Variants in PCDH10 observed in about 807,000 individuals in gnomAD.
PCDH10 encodes protocadherin-10.
A neutral mutation model predicts 74.4 loss-of-function variants in PCDH10; 15 were observed. The ratio of observed to expected loss-of-function variants is 0.20; its 90% CI spans 0.13 to 0.31. The LOEUF is 0.31. Ranked by LOEUF, PCDH10 falls within the 10% of genes least tolerant of loss-of-function variation. The pLI, the probability that PCDH10 is intolerant of heterozygous loss-of-function variation, is 1.00. For synonymous variants in PCDH10, 619 were observed against 589.8 expected, an observed-to-expected ratio of 1.05 and a Z score of -0.72; for missense variants, 1,260 against 1,390.2, an observed-to-expected ratio of 0.91 and a Z score of 1.49.
Position 133,150,995 on chromosome 4 carries a change from C to T in PCDH10, c.855C>T (p.Val285=), listed in dbSNP as rs746462897. The T allele has an allele frequency of 3.7e-6, 6 of 1,613,814 alleles. No individual in the cohort carries two copies. Among genetic ancestry groups the T allele is most frequent in the Non-Finnish European group, 3.4e-6 (4 of 1,180,004 alleles). Residue 285 remains valine, a synonymous_variant, in exon 1 of 5, where the codon GTC becomes GTT. Coordinates refer to ENST00000264360, the MANE Select transcript of PCDH10 (RefSeq NM_032961.3). ...CGGACGAGGGCCAGAACGGTGAGGT[C>T]GTGTACTCCTTCAGCAGCCACATTT... is the stretch of plus-strand genomic sequence containing the variant. ...TDPDEGQNGE[V]VYSFSSHISP... is the part of the protein sequence containing the mutation.
Position 133,151,100 on chromosome 4 carries a change from G to A in PCDH10, c.960G>A (p.Glu320=), listed in dbSNP as rs367981995. The part of the protein sequence containing the change: ...LEVSGELDYE[E]SPVYQVYVQA... ...TAAGCGGCGAGTTGGACTATGAAGA[G>A]AGCCCAGTGTACCAAGTGTACGTGC... The change falls in exon 1 of 5, where the codon GAG becomes GAA. Residue 320 remains glutamate (E), a synonymous_variant. Coordinates refer to ENST00000264360, the MANE Select transcript of PCDH10 (RefSeq NM_032961.3). 1.2e-6 allele frequency: 2 copies of A among 1,613,994 alleles called. No homozygotes were observed. The highest frequency in any genetic ancestry group is 1.7e-6 in the Non-Finnish European group (2 of 1,180,030).
At chr4:133,166,155 C>A (rs1727076326) in intron 4 of PCDH10, among the ~76,000 whole-genome samples, 2 of 151,408 alleles carry the variant, frequency 1.3e-5, no homozygotes, top group South Asian at 2.1e-4. Flanking sequence ...TGATATGGAG[C>A]AAAGGGATAC....
At chr4:133,195,126 A>C (rs1727769250), downstream of PCDH10, among the ~76,000 whole-genome samples, 1 of 152,122 alleles carries the variant, frequency 6.6e-6, no homozygotes, top group Admixed American at 6.6e-5. Flanking sequence ...ATATGAATTA[A>C]GGGATAGATA....
intron 3 of PCDH10, 25 bp from the exon 4 acceptor site, chr4:133,162,952 C>T (rs369738050): frequency 2.5e-5 from 39 of 1,577,284 alleles, no homozygotes; most frequent in African/African-American, 1.4e-4. Flanking sequence ...AGACTACATC[C>T]GTAGTTTCTG....
downstream of PCDH10, among the ~76,000 whole-genome samples, chr4:133,196,020 A>G (rs1321785276): frequency 1.3e-5 from 2 of 152,160 alleles, no homozygotes; most frequent in African/African-American, 4.8e-5. Context: ...CCTTTGTAAA[A>G]TATGGATAAG....
intron 2 of PCDH10, 49 bp downstream of exon 2, chr4:133,154,414 TA>T: frequency 9.4e-7 from 1 of 1,059,572 alleles, no homozygotes; most frequent in Non-Finnish European, 1.4e-6. Context: ...TACAACCTAG[TA>T]AAAGTAGGAA....
chr4:133,199,287 CAAAATAATA>C (rs1180613493), downstream of PCDH10, among the ~76,000 whole-genome samples: 1 of 56,818 alleles, frequency 1.8e-5, no homozygotes, highest in Non-Finnish European at 3.2e-5. Flanking sequence ...AACCCTGTCT[CAAAATAATA>C]ATAATAATAA....
chr4:133,151,931 T>C lies in PCDH10; in HGVS notation c.1791T>C (p.Gly597=), dbSNP rs763851236. Residue 597 remains glycine, a synonymous_variant, in exon 1 of 5, where the codon GGT becomes GGC. Transcript: ENST00000264360. ...REVLPRSAEP[G]YLLTRVAAVD... ...TGCTGCCCCGCTCGGCGGAGCCGGGTTACCTGCTCACCCGCGTGGCCGCCG... is the reference window on the plus strand; with the variant it reads ...TGCTGCCCCGCTCGGCGGAGCCGGGCTACCTGCTCACCCGCGTGGCCGCCG... 1.9e-6 allele frequency: 3 copies of C among 1,612,188 alleles called. No individual in the cohort carries two copies. The highest frequency in any genetic ancestry group is 2.7e-5 in the African/African-American group (2 of 74,926).
In PCDH10 at chr4:133,180,522, C is replaced by A. The variant is rs76970139; in HGVS notation, c.3104-9619C>A. ...ATATCATGTTGAAGGATTTTGCTTTCTTTACGAGAACATTATTATGAGATA... is the reference window on the plus strand; with the variant it reads ...ATATCATGTTGAAGGATTTTGCTTTATTTACGAGAACATTATTATGAGATA... On this transcript the variant is annotated intron_variant, in intron 4 of 4. Coordinates refer to ENST00000264360, the MANE Select transcript of PCDH10 (RefSeq NM_032961.3). Among the ~76,000 whole-genome samples the A allele has an allele frequency of 9.1e-4, 139 of 151,948 alleles. 1 individual carries two copies. The East Asian group carries it at 0.025, about 27-fold the overall frequency.
chr4:133,172,147 A>G (rs1225407169), intron 4 of PCDH10, among the ~76,000 whole-genome samples: 2 of 152,038 alleles, frequency 1.3e-5, no homozygotes, highest in African/African-American at 4.8e-5. Context: ...TTTCATCCAA[A>G]CACTGATACA....
intron 3 of PCDH10, among the ~76,000 whole-genome samples, chr4:133,156,411 G>A (rs112575084): frequency 6.6e-6 from 1 of 152,218 alleles, no homozygotes; most frequent in African/African-American, 2.4e-5. Flanking sequence ...TGCCCCTTGC[G>A]GGCCTTCACG....
chr4:133,173,513 A>C (rs1727237810), intron 4 of PCDH10, among the ~76,000 whole-genome samples: 1 of 151,990 alleles, frequency 6.6e-6, no homozygotes, highest in Non-Finnish European at 1.5e-5. Flanking sequence ...TGATTTGGTG[A>C]AATATCACGT....
chr4:133,200,189 C>A (rs1466250199), intron 2 of PCDH10, among the ~76,000 whole-genome samples: 1 of 151,826 alleles, frequency 6.6e-6, no homozygotes, highest in Admixed American at 6.6e-5. Flanking sequence ...TAAATTATAT[C>A]TCTTGTCAAA....
chr4:133,198,144 G>C (rs1467142504), downstream of PCDH10, among the ~76,000 whole-genome samples: 1 of 152,044 alleles, frequency 6.6e-6, no homozygotes, highest in African/African-American at 2.4e-5. Context: ...GAAAGCAATA[G>C]TATTTGATCA....
chr4:133,157,823 C>A (rs989939402), intron 3 of PCDH10, among the ~76,000 whole-genome samples: 1 of 151,004 alleles, frequency 6.6e-6, no homozygotes, highest in Admixed American at 6.6e-5. Context: ...ATCTTCCACC[C>A]CCTCCTTCTT....
rs771758472 is a variant in PCDH10, at chr4:133,152,535, C to G, written c.2395C>G (p.Pro799Ala). 13 of 1,614,010 alleles carry G rather than the reference C, an allele frequency of 8.1e-6. No homozygotes were observed. The East Asian group carries it at 2.2e-4, about 28-fold the overall frequency. ...LVQSSNVPSNPAQVPIEESGG... is the reference protein window; with the variant it reads ...LVQSSNVPSNAAQVPIEESGG... The stretch of plus-strand genomic sequence containing the variant: ...GCAGAGCTCCAATGTACCCAGTAAC[C>G]CGGCCCAGGTGCCGATAGAGGAGTC... Residue 799 changes from proline to alanine, a missense_variant, in exon 1 of 5, where the codon CCG becomes GCG. By Grantham distance (27) the Pro-to-Ala change is conservative. Around this residue, in one of 11 missense-constraint regions of PCDH10, gnomAD observed 587 missense variants for 616.9 expected, o/e 0.95. Transcript: ENST00000264360.
chr4:133,154,233 C>T (rs1012377244), intron 1 of PCDH10, 74 bp from the exon 2 acceptor site: 18 of 896,140 alleles, frequency 2.0e-5, no homozygotes, highest in Non-Finnish European at 3.1e-5. Flanking sequence ...AGATATAGTT[C>T]CTAACCTCAA....
At chr4:133,182,540 C>A (rs1481663049) in intron 4 of PCDH10, among the ~76,000 whole-genome samples, 1 of 151,968 alleles carries the variant, frequency 6.6e-6, no homozygotes, top group African/African-American at 2.4e-5. Context: ...GTAAACAATG[C>A]TATTTTCAAA....
At chr4:133,156,583 C>A (rs989153222) in intron 3 of PCDH10, among the ~76,000 whole-genome samples, 6 of 152,166 alleles carry the variant, frequency 3.9e-5, no homozygotes, top group Non-Finnish European at 7.3e-5. Context: ...TTGCTCATTC[C>A]TGTTCTTTTT....
Sources: gnomAD v4.1 joint callset for allele counts (sites outside exome capture counted in the v4.1 genomes callset) on GRCh38, gnomAD v4.1.1 for gene constraint, gnomAD v4.1.1 regional missense constraint, MANE v1.5 for transcripts, NCBI Gene and HGNC (gene_info 2026-07-23, HGNC 2026-07-21) for gene names.